NR5A2: variants seen among roughly 807,000 people sequenced by gnomAD.
NR5A2 encodes the protein CYP7A promoter-binding factor.
NR5A2 carries 26 observed loss-of-function variants against 62.7 expected under a neutral mutation model. The observed-to-expected ratio is 0.41, with a 90% CI of 0.30 to 0.58. The LOEUF (loss-of-function observed/expected upper bound fraction) is 0.58, where lower values mean the gene tolerates loss of function less well. Among genes scored for constraint, NR5A2 ranks in the 20% least tolerant of loss-of-function variants. The pLI, the probability that NR5A2 is intolerant of heterozygous loss-of-function variation, is 0.22. For missense variants in NR5A2, 541 were observed against 669.1 expected (o/e 0.81, Z 2.11); for synonymous variants, 246 against 241.7 (o/e 1.02, Z -0.16).
intron 5 of NR5A2, among the ~76,000 whole-genome samples, chr1:200,079,192 C>G (rs1024292192): frequency 1.3e-5 from 2 of 152,168 alleles, no homozygotes; most frequent in Non-Finnish European, 2.9e-5. Flanking sequence ...ATAACCTGCT[C>G]ACTCTATGGA....
intron 5 of NR5A2, among the ~76,000 whole-genome samples, chr1:200,064,332 T>A (rs2821387): frequency 0.43 from 65,583 of 151,952 alleles, 16,093 homozygotes; most frequent in African/African-American, 0.68. Flanking sequence ...CCAGCCCTGT[T>A]TACACCAATG....
chr1:200,172,538 A>G (rs181333926), intron 7 of NR5A2, among the ~76,000 whole-genome samples: 1 of 152,356 alleles, frequency 6.6e-6, no homozygotes, highest in East Asian at 1.9e-4. Flanking sequence ...AACTCACTAC[A>G]TAACTATTTC....
chr1:200,070,948 G>A (rs1022591414), intron 5 of NR5A2, among the ~76,000 whole-genome samples: 2 of 152,154 alleles, frequency 1.3e-5, no homozygotes, highest in East Asian at 1.9e-4. Context: ...TACTAGAAAC[G>A]TGTTGGCAAT....
intron 5 of NR5A2, among the ~76,000 whole-genome samples, chr1:200,061,386 C>A (rs1663213459): frequency 1.4e-5 from 2 of 147,486 alleles, no homozygotes; most frequent in Non-Finnish European, 3.0e-5. Context: ...TCAAGCGATT[C>A]TCCTGCTTCA....
chr1:200,044,818 T>G (rs1199228173), intron 3 of NR5A2, among the ~76,000 whole-genome samples: 1 of 152,164 alleles, frequency 6.6e-6, no homozygotes, highest in Non-Finnish European at 1.5e-5. Context: ...ATACCCTGTG[T>G]GCTACAATTC....
intron 5 of NR5A2, among the ~76,000 whole-genome samples, chr1:200,080,716 T>C (rs1664253937): frequency 6.6e-6 from 1 of 152,232 alleles, no homozygotes; most frequent in Admixed American, 6.5e-5. Context: ...AACTTTCCAT[T>C]ATCATCACAG....
At chr1:200,144,227 TCTCTCTCA>T (rs776841986) in intron 7 of NR5A2, among the ~76,000 whole-genome samples, 70 of 76,564 alleles carry the variant, frequency 9.1e-4, no homozygotes, top group East Asian at 3.0e-3. Context: ...TCTCTCTCTC[TCTCTCTCA>T]CACACACACA....
At chr1:200,119,343 AT>A (rs1214733180) in intron 6 of NR5A2, among the ~76,000 whole-genome samples, 3 of 152,236 alleles carry the variant, frequency 2.0e-5, no homozygotes, top group Non-Finnish European at 2.9e-5. Flanking sequence ...GTCAATAAAT[AT>A]AAAAATTTAA....
chr1:200,094,524 CTTTTTT>C (rs373809748), intron 5 of NR5A2, among the ~76,000 whole-genome samples: 12 of 59,798 alleles, frequency 2.0e-4, no homozygotes, highest in Admixed American at 5.1e-4. Context: ...TTAAATGCCA[CTTTTTT>C]TTTTTTTTTT....
chr1:200,047,724 C>T (rs1662435449), intron 4 of NR5A2, among the ~76,000 whole-genome samples: 1 of 151,940 alleles, frequency 6.6e-6, no homozygotes, highest in Non-Finnish European at 1.5e-5. Flanking sequence ...TTACAGGCAC[C>T]CACCACTACG....
rs1428618356 is a variant in NR5A2 at position 200,111,258 on chromosome 1, C to G, written c.1167C>G (p.Asp389Glu). 1.2e-6 allele frequency: 2 copies of G among 1,612,860 alleles called. No individual in the cohort carries two copies. The highest frequency in any genetic ancestry group is 2.7e-5 in the African/African-American group (2 of 74,434). Residue 389 changes from aspartate to glutamate, a missense_variant, in exon 6 of 8, where the codon GAC becomes GAG. This residue lies in a region of NR5A2 where 379 missense variants were observed against 442.0 expected (regional missense o/e 0.86). Transcript: ENST00000367362. ...GCTGGAGTGAGCTCTTAATCCTCGA[C>G]CACATTTACCGACAAGTGGTACATG... is the stretch of plus-strand genomic sequence containing the variant. ...QNCWSELLIL[D>E]HIYRQVVHGK...
intron 5 of NR5A2, among the ~76,000 whole-genome samples, chr1:200,062,509 A>C (rs1374013817): frequency 6.6e-6 from 1 of 152,188 alleles, no homozygotes; most frequent in East Asian, 1.9e-4. Flanking sequence ...ACCAAATATT[A>C]CATTTCCCCT....
chr1:200,075,315 A>G lies in NR5A2; in HGVS notation c.1110+26497A>G, dbSNP rs536715369. On this transcript the variant is annotated intron_variant, in intron 5 of 7. Coordinates refer to ENST00000367362, the MANE Select transcript of NR5A2 (RefSeq NM_205860.3). Reference sequence around the variant, plus strand: ...AAAAGGAAAGCCGCTTTGCAAAAAAAGGAGGCTTTTTTGCTTCAGCAATAT... The same window carrying G: ...AAAAGGAAAGCCGCTTTGCAAAAAAGGGAGGCTTTTTTGCTTCAGCAATAT... Among the ~76,000 whole-genome samples, 4 of 152,356 alleles carry G rather than the reference A, an allele frequency of 2.6e-5. No individual in the cohort carries two copies. The East Asian group carries it at 7.7e-4, about 29-fold the overall frequency.
At chr1:200,110,495 A>C (rs1294502482) in intron 5 of NR5A2, among the ~76,000 whole-genome samples, 1 of 152,180 alleles carries the variant, frequency 6.6e-6, no homozygotes, top group Non-Finnish European at 1.5e-5. Flanking sequence ...TCCTCATAGC[A>C]ACCTTGTCAG....
At chr1:200,033,542 G>A (rs1039178292) in intron 1 of NR5A2, among the ~76,000 whole-genome samples, 1 of 152,038 alleles carries the variant, frequency 6.6e-6, no homozygotes, top group Admixed American at 6.5e-5. Context: ...TCTGCTTCCC[G>A]GCCTTCTGCA....
In NR5A2 at chr1:200,172,365, C is replaced by T. The variant is rs79129478; in HGVS notation, c.1379-1598C>T. On this transcript the variant is annotated intron_variant, in intron 7 of 7. Transcript: ENST00000367362. ...ATATGCTTTACTAACTGTAAAGTGC[C>T]GCATGGGTAAAATGTCCAGAGCACA... Among the ~76,000 whole-genome samples the T allele has an allele frequency of 3.3e-3, 495 of 152,044 alleles. 3 individuals carry two copies. Among genetic ancestry groups the T allele is most frequent in the African/African-American group, 0.011 (440 of 41,450 alleles).
chr1:200,045,531 G>T lies in NR5A2; in HGVS notation c.410G>T (p.Arg137Leu). ...CAAATTGACAAAACACAGAGAAAGC[G>T]TTGTCCTTACTGTCGTTTTCAAAAA... ...NCQIDKTQRK[R>L]CPYCRFQKCL... Residue 137 changes from arginine (R) to leucine (L), a missense_variant, in exon 4 of 8, where the codon CGT (arginine) becomes CTT (leucine). Physicochemically the swap from Arg to Leu is moderately radical, Grantham distance 102. This residue lies in a region of NR5A2 where 54 missense variants were observed against 123.8 expected (regional missense o/e 0.44). Transcript: ENST00000367362. 6.2e-7 allele frequency: 1 copy of T among 1,613,240 alleles called. No individual in the cohort carries two copies. Among genetic ancestry groups the T allele is most frequent in the Non-Finnish European group, 8.5e-7 (1 of 1,179,440 alleles).
chr1:200,167,591 C>T (rs1653964016), intron 7 of NR5A2, among the ~76,000 whole-genome samples: 2 of 152,176 alleles, frequency 1.3e-5, no homozygotes, highest in Non-Finnish European at 2.9e-5. Context: ...AGAAAGCTGA[C>T]CATTTCCCTC....
chr1:200,160,574 A>G (rs1653596743), intron 7 of NR5A2, among the ~76,000 whole-genome samples: 1 of 152,210 alleles, frequency 6.6e-6, no homozygotes, highest in Non-Finnish European at 1.5e-5. Context: ...AAATAATTAA[A>G]TGCAAATACA....
Sources: gnomAD v4.1 joint callset for allele counts (sites outside exome capture counted in the v4.1 genomes callset) on GRCh38, gnomAD v4.1.1 for gene constraint, gnomAD v4.1.1 regional missense constraint, MANE v1.5 for transcripts, NCBI Gene and HGNC (gene_info 2026-07-23, HGNC 2026-07-21) for gene names.